The following CLVS1 variants were observed in gnomAD, a reference collection of about 807,000 sequenced individuals.
CLVS1 encodes the protein clavesin 1, also known as clavesin-1.
In CLVS1, 10 loss-of-function variants were observed where a neutral mutation model predicts 33.1. That is an observed-to-expected ratio of 0.30 (90% CI 0.19 to 0.51). The LOEUF is 0.51. CLVS1 is among the 20% of genes least tolerant of loss of function. The pLI is 0.97. For missense variants in CLVS1, 343 were observed against 433.4 expected, an observed-to-expected ratio of 0.79 and a Z score of 1.85; for synonymous variants, 163 against 166.1, an observed-to-expected ratio of 0.98 and a Z score of 0.14.
the CLVS1 span, among the ~76,000 whole-genome samples, chr8:61,027,275 G>A: frequency 1.3e-5 from 2 of 152,074 alleles, no homozygotes; most frequent in East Asian, 3.9e-4. Flanking sequence ...CATTAAAATG[G>A]ATCCTGTATT....
chr8:61,066,623 T>A (rs1442761514), intron 1 of CLVS1, among the ~76,000 whole-genome samples: 2 of 152,238 alleles, frequency 1.3e-5, no homozygotes, highest in Non-Finnish European at 2.9e-5. Flanking sequence ...CCACAGTCCC[T>A]GGGGCATGAG....
At chr8:61,001,516 G>A in the CLVS1 span, among the ~76,000 whole-genome samples, 1 of 152,184 alleles carries the variant, frequency 6.6e-6, no homozygotes, top group Non-Finnish European at 1.5e-5. Context: ...AAACCAAGTT[G>A]TCCAAACACA....
chr8:61,427,706 G>A (rs1244017168), intron 3 of CLVS1, among the ~76,000 whole-genome samples: 3 of 152,184 alleles, frequency 2.0e-5, no homozygotes, highest in African/African-American at 7.2e-5. Context: ...GAGAGGTTAA[G>A]TTATTTGACC....
chr8:61,120,124 C>T (rs1463032724), intron 1 of CLVS1, among the ~76,000 whole-genome samples: 1 of 147,594 alleles, frequency 6.8e-6, no homozygotes, highest in Admixed American at 6.7e-5. Flanking sequence ...TCATTCATTT[C>T]ATCTTCCATC....
At chr8:61,425,535 C>T (rs1022249474) in intron 3 of CLVS1, among the ~76,000 whole-genome samples, 4 of 152,270 alleles carry the variant, frequency 2.6e-5, no homozygotes, top group South Asian at 4.1e-4. Context: ...GTATTGCAAC[C>T]ATTACCACTA....
At chr8:61,305,968 C>T (rs1055715467) in intron 2 of CLVS1, among the ~76,000 whole-genome samples, 8 of 152,136 alleles carry the variant, frequency 5.3e-5, no homozygotes, top group African/African-American at 1.9e-4. Context: ...GATTCCATGT[C>T]TTTGCTACTG....
intron 2 of CLVS1, among the ~76,000 whole-genome samples, chr8:61,171,655 A>G (rs571618073): frequency 2.0e-5 from 3 of 152,188 alleles, no homozygotes; most frequent in Non-Finnish European, 4.4e-5. Flanking sequence ...TAAGCATGCT[A>G]AGAAACAGGC....
At chr8:61,356,572 A>G (rs1177070811) in intron 2 of CLVS1, among the ~76,000 whole-genome samples, 1 of 151,914 alleles carries the variant, frequency 6.6e-6, no homozygotes, top group Admixed American at 6.6e-5. Context: ...TCTTTAATCC[A>G]TCTTGAATTA....
At chr8:61,305,084 AG>A (rs1388300621) in intron 2 of CLVS1, among the ~76,000 whole-genome samples, 1 of 152,116 alleles carries the variant, frequency 6.6e-6, no homozygotes, top group Non-Finnish European at 1.5e-5. Context: ...CCTGTACAGT[AG>A]GGGTGATGAG....
chr8:61,040,205 T>C, the CLVS1 span, among the ~76,000 whole-genome samples: 3 of 152,244 alleles, frequency 2.0e-5, no homozygotes, highest in African/African-American at 7.2e-5. Context: ...TAGTATTCCA[T>C]AGTGTATATG....
intron 2 of CLVS1, among the ~76,000 whole-genome samples, chr8:61,303,107 A>C (rs1301511878): frequency 6.6e-6 from 1 of 152,202 alleles, no homozygotes; most frequent in Non-Finnish European, 1.5e-5. Context: ...TGCTGACTTC[A>C]TTTATGCTTA....
intron 2 of CLVS1, among the ~76,000 whole-genome samples, chr8:61,235,476 A>C (rs1050815936): frequency 2.0e-5 from 3 of 152,260 alleles, no homozygotes; most frequent in Non-Finnish European, 4.4e-5. Flanking sequence ...TTGAGAGGTC[A>C]CATTTTGTAG....
chr8:61,350,564 AC>A (rs1812412915), intron 2 of CLVS1, among the ~76,000 whole-genome samples: 1 of 152,172 alleles, frequency 6.6e-6, no homozygotes, highest in Non-Finnish European at 1.5e-5. Flanking sequence ...GCTGTAATCT[AC>A]CATCTTGTTA....
intron 2 of CLVS1, among the ~76,000 whole-genome samples, chr8:61,248,619 T>A (rs550106712): frequency 2.0e-5 from 3 of 149,494 alleles, no homozygotes; most frequent in Non-Finnish European, 2.9e-5. Context: ...AGATTTTGAA[T>A]ACATTTTTTT....
intron 1 of CLVS1, among the ~76,000 whole-genome samples, chr8:61,295,910 A>G (rs1180149747): frequency 6.6e-6 from 1 of 152,176 alleles, no homozygotes; most frequent in Middle Eastern, 3.2e-3. Context: ...ATAAATACCT[A>G]TAATAAATAA....
At chr8:61,291,775 G>GGGT (rs1465609123) in intron 1 of CLVS1, among the ~76,000 whole-genome samples, 3 of 152,032 alleles carry the variant, frequency 2.0e-5, no homozygotes, top group Non-Finnish European at 1.5e-5. Flanking sequence ...GTAATTAACA[G>GGGT]GGTGATCTGA....
intron 3 of CLVS1, among the ~76,000 whole-genome samples, chr8:61,400,164 G>T (rs1467966083): frequency 2.6e-5 from 4 of 152,200 alleles, no homozygotes; most frequent in Non-Finnish European, 5.9e-5. Context: ...TTCTATCCAT[G>T]AGCATGGAAT....
intron 5 of CLVS1, among the ~76,000 whole-genome samples, chr8:61,458,963 A>G (rs1817262951): frequency 6.6e-6 from 1 of 152,258 alleles, no homozygotes; most frequent in Non-Finnish European, 1.5e-5. Flanking sequence ...AGAGGTACAA[A>G]TGAGAATAAG....
At position 61,151,241 on chromosome 8, in the gene CLVS1, C is replaced by T. The variant is rs891272427; in HGVS notation, c.-152+19381C>T. 2.6e-5 allele frequency among the ~76,000 whole-genome samples: 4 copies of T among 152,094 alleles called. No individual in the cohort carries two copies. In the South Asian group the frequency reaches 8.3e-4, roughly 31 times the overall value. On this transcript the variant is annotated intron_variant, in intron 2 of 2. Transcript: ENST00000522621. The stretch of plus-strand genomic sequence containing the variant: ...GGTAGGTACTGAAGTCAAGGGGGCT[C>T]TTCAGAAGATATTGCAATAAACAAA...
Sources: allele counts gnomAD v4.1 joint callset (sites outside exome capture counted in the v4.1 genomes callset), GRCh38; gene constraint gnomAD v4.1.1; transcripts MANE v1.5; gene names NCBI Gene and HGNC (gene_info 2026-07-23, HGNC 2026-07-21).